Variants in CEP170 observed in about 807,000 individuals in gnomAD.
CEP170 encodes centrosomal protein of 170 kDa.
Under a neutral mutation model 151.9 loss-of-function variants are expected in CEP170, and 21 were observed. The observed-to-expected ratio is 0.14, with a 90% CI of 0.10 to 0.20. The LOEUF (loss-of-function observed/expected upper bound fraction) is 0.20, where lower values mean the gene tolerates loss of function less well. Among genes scored for constraint, CEP170 ranks in the 10% least tolerant of loss-of-function variants. CEP170 has a pLI of 1.00. For missense variants in CEP170, 964 were observed against 1,892.9 expected (o/e 0.51, Z 9.11); for synonymous variants, 356 against 648.8 (o/e 0.55, Z 6.86).
At chr1:243,168,166 A>G (rs2058574860) in intron 12 of CEP170, 1 of 151,972 alleles carries the variant, frequency 6.6e-6, no homozygotes, top group Admixed American at 6.6e-5. Context: ...CCTCAAAAGA[A>G]TTTTTGGTCA....
intron 11 of CEP170, 56 bp downstream of exon 11, chr1:243,172,641 A>G: frequency 7.1e-7 from 1 of 1,415,954 alleles, no homozygotes; most frequent in African/African-American, 1.5e-5. Flanking sequence ...CAGACAAGAA[A>G]AAAAAAAGAA....
intron 14 of CEP170, among the ~76,000 whole-genome samples, chr1:243,146,090 C>T (rs909637368): frequency 6.6e-6 from 1 of 152,112 alleles, no homozygotes; most frequent in African/African-American, 2.4e-5. Flanking sequence ...AATCAAACAC[C>T]ACATGTTCTC....
At chr1:243,215,594 T>G (rs763407413) in intron 3 of CEP170, among the ~76,000 whole-genome samples, 1 of 152,186 alleles carries the variant, frequency 6.6e-6, no homozygotes, top group African/African-American at 2.4e-5. Context: ...TTGGTCAGAC[T>G]GGTTGTCTGC....
At chr1:243,149,120 AATGTTT>A (rs1475802644) in intron 14 of CEP170, among the ~76,000 whole-genome samples, 2 of 151,912 alleles carry the variant, frequency 1.3e-5, no homozygotes, top group Non-Finnish European at 2.9e-5. Flanking sequence ...TTGTGAATGA[AATGTTT>A]ATCGCTACAG....
At position 243,186,061 on chromosome 1, in the gene CEP170, C is replaced by T. The variant is rs1182892593; in HGVS notation, c.1284G>A (p.Ala428=). 1.2e-5 allele frequency: 20 copies of T among 1,613,606 alleles called. No individual in the cohort carries two copies. Among genetic ancestry groups the T allele is most frequent in the Non-Finnish European group, 1.7e-5 (20 of 1,179,672 alleles). ...KHQDQAVTSS[A]HHRGGHGVPH... ...GAACACCATGCCCCCCTCTGTGATG[C>T]GCAGAGCTAGTCTGTAAAGACAAAG... Residue 428 remains alanine (A), a synonymous_variant, in exon 10 of 20, where the codon GCG becomes GCA. Coordinates refer to ENST00000366542, the MANE Select transcript of CEP170 (RefSeq NM_014812.3).
In CEP170 at chr1:243,164,565, C is replaced by T. The variant is rs2058316609; in HGVS notation, c.3395G>A (p.Ser1132Asn). Residue 1132 changes from serine (S) to asparagine (N), a missense_variant, in exon 13 of 20, where the codon AGT becomes AAT. Coordinates refer to ENST00000366542, the MANE Select transcript of CEP170 (RefSeq NM_014812.3). ...TCCTGTGGGAGGTTTTGATGTAGAACTTGTTGTGGATACTTCAGAAGCAAC... is the reference window on the plus strand; with the variant it reads ...TCCTGTGGGAGGTTTTGATGTAGAATTTGTTGTGGATACTTCAGAAGCAAC... ...ASVASEVSTTSSTSKPPTGRR... is the reference protein window; with the variant it reads ...ASVASEVSTTNSTSKPPTGRR... The T allele has an allele frequency of 6.2e-7, 1 of 1,613,488 alleles. No homozygotes were observed. Among genetic ancestry groups the T allele is most frequent in the Non-Finnish European group, 8.5e-7 (1 of 1,179,698 alleles).
intron 15 of CEP170, among the ~76,000 whole-genome samples, chr1:243,141,076 G>A (rs2055778375): frequency 6.6e-6 from 1 of 152,156 alleles, no homozygotes; most frequent in Non-Finnish European, 1.5e-5. Context: ...AAACAAAAAA[G>A]TGACCATTAA....
At chr1:243,137,976 G>T (rs2055333490) in intron 16 of CEP170, among the ~76,000 whole-genome samples, 1 of 151,874 alleles carries the variant, frequency 6.6e-6, no homozygotes, top group Admixed American at 6.6e-5. Context: ...GTTTTTGTGG[G>T]CCTTAAGAAA....
intron 10 of CEP170, among the ~76,000 whole-genome samples, chr1:243,183,201 A>C (rs2059740564): frequency 6.6e-6 from 1 of 152,166 alleles, no homozygotes; most frequent in African/African-American, 2.4e-5. Context: ...AGCCTGGCAC[A>C]TAGTTAATGT....
intron 16 of CEP170, among the ~76,000 whole-genome samples, chr1:243,138,432 A>AGG (rs2055403293): frequency 1.3e-5 from 2 of 151,872 alleles, no homozygotes; most frequent in Non-Finnish European, 2.9e-5. Flanking sequence ...ACTCAGTACC[A>AGG]TGAGAAACAT....
chr1:243,146,850 T>C (rs1292006494), intron 14 of CEP170, among the ~76,000 whole-genome samples: 5 of 151,994 alleles, frequency 3.3e-5, no homozygotes, highest in Non-Finnish European at 7.4e-5. Flanking sequence ...TAACAGCACA[T>C]GTAAGGTTTT....
At chr1:243,216,974 C>T (rs538034105) in intron 3 of CEP170, among the ~76,000 whole-genome samples, 4 of 152,276 alleles carry the variant, frequency 2.6e-5, no homozygotes, top group East Asian at 3.9e-4. Context: ...CATCACTAAG[C>T]GATTTACTTC....
At chr1:243,252,435 C>T (rs1400533994) in intron 1 of CEP170, among the ~76,000 whole-genome samples, 3 of 151,950 alleles carry the variant, frequency 2.0e-5, no homozygotes, top group Admixed American at 2.0e-4. Flanking sequence ...ATATTTAGTA[C>T]TAGATGAGCA....
At position 243,137,132 on chromosome 1, in the gene CEP170, C is replaced by T. The variant is rs544431913; in HGVS notation, c.4231-901G>A. On this transcript the variant is annotated intron_variant, in intron 16 of 19. Transcript: ENST00000366542. ...AGCAAATTATGCATGTGGACATAGC[C>T]GTGTTGTAACAAAACTTTTACAAAA... Among the ~76,000 whole-genome samples the T allele has an allele frequency of 1.8e-4, 28 of 152,282 alleles. No homozygotes were observed. The South Asian group carries it at 5.2e-3, about 28-fold the overall frequency.
chr1:243,180,601 C>T (rs2059560098), intron 10 of CEP170, among the ~76,000 whole-genome samples: 1 of 152,204 alleles, frequency 6.6e-6, no homozygotes, highest in Non-Finnish European at 1.5e-5. Context: ...TCTGAGTGGA[C>T]TTTGGACATC....
chr1:243,191,327 T>G lies in CEP170; in HGVS notation c.799A>C (p.Thr267Pro). The change falls in exon 8 of 20, where the codon ACG becomes CCG. Residue 267 changes from threonine (T) to proline (P), a missense_variant. Coordinates refer to ENST00000366542, the MANE Select transcript of CEP170 (RefSeq NM_014812.3). Reference sequence around the variant, plus strand: ...GCACCTGTTATATGGGAACTTGGCGTGTCTTTTGTTGGGATTTCATGAATA... The same window carrying G: ...GCACCTGTTATATGGGAACTTGGCGGGTCTTTTGTTGGGATTTCATGAATA... ...STIHEIPTKD[T>P]PSSHITGAGH... 3.1e-6 allele frequency: 5 copies of G among 1,613,358 alleles called. No homozygotes were observed. Among genetic ancestry groups the G allele is most frequent in the Non-Finnish European group, 4.2e-6 (5 of 1,179,620 alleles).
chr1:243,176,563 C>A (rs895360826), intron 10 of CEP170: 3 of 185,616 alleles, frequency 1.6e-5, no homozygotes, highest in African/African-American at 7.1e-5. Flanking sequence ...CCCTCCCTAT[C>A]CCACTCCAAC....
At chr1:243,224,276 G>T (rs2063051053) in intron 2 of CEP170, among the ~76,000 whole-genome samples, 3 of 152,140 alleles carry the variant, frequency 2.0e-5, no homozygotes, top group Admixed American at 2.0e-4. Context: ...TGCAAAGATA[G>T]GCAATTTTGA....
At chr1:243,238,479 T>C (rs1021737440) in intron 1 of CEP170, among the ~76,000 whole-genome samples, 2 of 151,808 alleles carry the variant, frequency 1.3e-5, no homozygotes, top group Non-Finnish European at 2.9e-5. Flanking sequence ...AGAATAGTGA[T>C]ATATTTCATT....
Sources: gnomAD v4.1 joint callset for allele counts (sites outside exome capture counted in the v4.1 genomes callset) on GRCh38, gnomAD v4.1.1 for gene constraint, MANE v1.5 for transcripts, NCBI Gene and HGNC (gene_info 2026-07-23, HGNC 2026-07-21) for gene names.